The following DMBT1 variants were observed in gnomAD, a reference collection of about 807,000 sequenced individuals.
The protein encoded by DMBT1 is scavenger receptor cysteine-rich domain-containing protein DMBT1.
In DMBT1, 198 loss-of-function variants were observed where a neutral mutation model predicts 252.9. The ratio of observed to expected loss-of-function variants is 0.78; its 90% CI spans 0.70 to 0.88. The LOEUF is 0.88. Among genes scored for constraint, DMBT1 ranks in the 40% least tolerant of loss-of-function variants. The probability of loss-of-function intolerance (pLI) is 0.00; values close to 1 mark genes in which losing one functional copy is unlikely to be tolerated. For missense variants in DMBT1, 2,432 were observed against 2,404.7 expected (o/e 1.01, Z -0.24); for synonymous variants, 990 against 942.7 (o/e 1.05, Z -0.92).
intron 15 of DMBT1, 24 bp downstream of exon 15, chr10:122,585,333 C>G: frequency 6.3e-7 from 1 of 1,581,468 alleles, no homozygotes; most frequent in Non-Finnish European, 8.6e-7. Flanking sequence ...TCGCCCCTCC[C>G]TAGGGCTCAC....
chr10:122,590,475 G>A (rs1591341164), intron 17 of DMBT1, among the ~76,000 whole-genome samples, 190 bp from the exon 18 acceptor site: 1 of 148,676 alleles, frequency 6.7e-6, no homozygotes, highest in South Asian at 2.3e-4. Flanking sequence ...GGAGCTGGCA[G>A]TAGTGGACAA....
At chr10:122,620,094 C>A (rs558930730) in intron 42 of DMBT1, among the ~76,000 whole-genome samples, 159 bp from the exon 43 acceptor site, 113 of 152,216 alleles carry the variant, frequency 7.4e-4, no homozygotes, top group Non-Finnish European at 1.1e-3. Context: ...TTGTTCCTGG[C>A]TGTGCTCACT....
Position 122,600,690 on chromosome 10 carries a change from G to A in DMBT1, c.3311-301G>A, listed in dbSNP as rs181770359. Reference sequence around the variant, plus strand: ...CCAGTGTCCGAGCCTCAGCAATGGCGTCTGATGTCCTAGTCAGTCCATGCA... The same window carrying A: ...CCAGTGTCCGAGCCTCAGCAATGGCATCTGATGTCCTAGTCAGTCCATGCA... On this transcript the variant is annotated intron_variant, in intron 27 of 55. Transcript: ENST00000338354. 1.2e-3 allele frequency among the ~76,000 whole-genome samples: 186 copies of A among 152,168 alleles called. 1 individual carries two copies. Among genetic ancestry groups the A allele is most frequent in the African/African-American group, 3.4e-3 (143 of 41,564 alleles).
chr10:122,618,598 A>C (rs968596566), intron 41 of DMBT1, among the ~76,000 whole-genome samples: 2 of 152,228 alleles, frequency 1.3e-5, no homozygotes, highest in African/African-American at 2.4e-5. Context: ...AGGAAGAGGC[A>C]GAAGAGAAAA....
chr10:122,620,148 A>T, intron 42 of DMBT1, 105 bp from the exon 43 acceptor site: 1 of 1,240,218 alleles, frequency 8.1e-7, no homozygotes, highest in Non-Finnish European at 1.2e-6. Context: ...GGCAGGAACC[A>T]GAAATTGAAT....
intron 53 of DMBT1, among the ~76,000 whole-genome samples, 168 bp from the exon 54 acceptor site, chr10:122,636,960 C>T (rs936042024): frequency 3.9e-5 from 6 of 152,188 alleles, no homozygotes; most frequent in Non-Finnish European, 7.3e-5. Flanking sequence ...ACTTGACCCT[C>T]GGGTCCTTGG....
chr10:122,600,640 C>T (rs2133613399), intron 27 of DMBT1, among the ~76,000 whole-genome samples: 1 of 152,260 alleles, frequency 6.6e-6, no homozygotes, highest in East Asian at 1.9e-4. Flanking sequence ...CTGGGCAGCC[C>T]CTGGTTCCCC....
intron 8 of DMBT1, 55 bp downstream of exon 8, chr10:122,577,895 C>G: frequency 6.3e-7 from 1 of 1,586,610 alleles, no homozygotes; most frequent in Non-Finnish European, 8.6e-7. Context: ...CTCAGTTACC[C>G]CTTCCCTACT....
rs780514508 is a variant in DMBT1, at chr10:122,590,681, G to C, written c.2124G>C (p.Ser708=). ...GVICSAAQSR[S]TPRPDTLSTI... is the part of the protein sequence containing the mutation. ...TTCTCACAGCTGCCCAGTCCCGGTC[G>C]ACGCCCAGGCCAGGTGAGTCCCCAG... Residue 708 remains serine, a synonymous_variant, in exon 18 of 56, where the codon TCG becomes TCC. Transcript: ENST00000338354. 1.9e-6 allele frequency: 3 copies of C among 1,587,738 alleles called. 1 individual carries two copies.
At chr10:122,570,320 C>A in intron 3 of DMBT1, 111 bp downstream of exon 3, 1 of 966,706 alleles carries the variant, frequency 1.0e-6, no homozygotes, top group Non-Finnish European at 1.6e-6. Flanking sequence ...CTCTGGCATT[C>A]AGTGTTTGGG....
At chr10:122,598,159 G>A in intron 25 of DMBT1, 147 bp downstream of exon 25, 2 of 1,243,010 alleles carry the variant, frequency 1.6e-6, no homozygotes, top group East Asian at 2.4e-5. Context: ...GCGTCTCTGG[G>A]GACCCAGCTC....
rs184202464 is a variant in DMBT1, at chr10:122,623,280, G to T, written c.5608+1900G>T. Among the ~76,000 whole-genome samples the T allele has an allele frequency of 4.6e-5, 7 of 152,266 alleles. No homozygotes were observed. In the East Asian group the frequency reaches 7.7e-4, roughly 17 times the overall value. ...AACTAATATTCCATTGTATGGCTAC[G>T]CCATCTTTGTCTATCCATTTATCAG... On this transcript the variant is annotated intron_variant, in intron 44 of 55. Coordinates refer to ENST00000338354, the MANE Select transcript of DMBT1 (RefSeq NM_001377530.1).
intron 18 of DMBT1, among the ~76,000 whole-genome samples, chr10:122,591,169 G>A (rs1033534576): frequency 6.7e-6 from 1 of 148,792 alleles, no homozygotes; most frequent in Non-Finnish European, 1.5e-5. Flanking sequence ...TCAAGCGTGA[G>A]AGGCTCAGCA....
chr10:122,563,474 G>C (rs1404485032), intron 1 of DMBT1, among the ~76,000 whole-genome samples: 3 of 152,070 alleles, frequency 2.0e-5, no homozygotes, highest in African/African-American at 4.8e-5. Context: ...TTAGTAGGAA[G>C]GTACCAGTGT....
chr10:122,631,975 T>C, intron 50 of DMBT1, 100 bp downstream of exon 50: 1 of 1,347,856 alleles, frequency 7.4e-7, no homozygotes. Flanking sequence ...TCCAAGGAGT[T>C]CATCTGTGGT....
At chr10:122,599,620 C>T (rs1292356236) in intron 26 of DMBT1, among the ~76,000 whole-genome samples, 7 of 152,206 alleles carry the variant, frequency 4.6e-5, no homozygotes, top group Non-Finnish European at 1.5e-5. Flanking sequence ...ACCTCAGGTC[C>T]TCTCAGATCA....
In DMBT1 at chr10:122,630,490, G is replaced by A. The variant is rs756440328; in HGVS notation, c.6025G>A (p.Asp2009Asn). ...FLAWYNSFPSDATLRLVNLNS... is the reference protein window; with the variant it reads ...FLAWYNSFPSNATLRLVNLNS... ...GGCTTGGTATAACTCCTTCCCAAGCGGTAAGTGCACACTAGACCATGCCTA... is the reference window on the plus strand; with the variant it reads ...GGCTTGGTATAACTCCTTCCCAAGCAGTAAGTGCACACTAGACCATGCCTA... Residue 2009 changes from aspartate (D) to asparagine (N), a missense_variant and splice_region_variant, in exon 48 of 56, where the codon GAT becomes AAT. Physicochemically the swap from Asp to Asn is conservative, Grantham distance 23 (BLOSUM62 1). This residue lies in a region of DMBT1 where 1,162 missense variants were observed against 1,169.0 expected (regional missense o/e 0.99). Coordinates refer to ENST00000338354, the MANE Select transcript of DMBT1 (RefSeq NM_001377530.1). 10 of 1,613,700 alleles carry A rather than the reference G, an allele frequency of 6.2e-6. No individual in the cohort carries two copies. Among genetic ancestry groups the A allele is most frequent in the Middle Eastern group, 1.6e-4 (1 of 6,084 alleles).
chr10:122,632,934 G>A (rs1402786163), intron 51 of DMBT1, 44 bp downstream of exon 51: 1 of 1,612,460 alleles, frequency 6.2e-7, no homozygotes, highest in Non-Finnish European at 8.5e-7. Context: ...GAGTGGCCTG[G>A]AAATTCCCCT....
intron 16 of DMBT1, among the ~76,000 whole-genome samples, chr10:122,587,839 G>T (rs74964363): frequency 0.017 from 2,540 of 148,564 alleles, 233 homozygotes; most frequent in East Asian, 0.16. Context: ...GGTGTCAGAT[G>T]TGTCCATTAG....
Sources: allele counts gnomAD v4.1 joint callset (sites outside exome capture counted in the v4.1 genomes callset), GRCh38; gene constraint gnomAD v4.1.1; regional missense constraint gnomAD v4.1.1; transcripts MANE v1.5; gene names NCBI Gene and HGNC (gene_info 2026-07-23, HGNC 2026-07-21).